Variants in PTBP1 observed in about 807,000 individuals in gnomAD.
PTBP1 encodes the protein polypyrimidine tract-binding protein 1.
A neutral mutation model predicts 59.8 loss-of-function variants in PTBP1; 8 were observed. That is an observed-to-expected ratio of 0.13 (90% CI 0.08 to 0.24). PTBP1 has a LOEUF of 0.24. PTBP1 is among the 10% of genes least tolerant of loss of function. The pLI is 1.00. For missense variants in PTBP1, 686 were observed against 767.0 expected (o/e 0.89, Z 1.25); for synonymous variants, 490 against 320.7 (o/e 1.53, Z -5.64).
intron 2 of PTBP1, among the ~76,000 whole-genome samples, chr19:803,134 G>C (rs776765571): frequency 6.6e-6 from 1 of 152,222 alleles, no homozygotes; most frequent in Non-Finnish European, 1.5e-5. Context: ...GCCCTGCCGT[G>C]TGCTGCTGGG....
chr19:804,243 C>G, intron 4 of PTBP1, 35 bp downstream of exon 4: 3 of 1,609,600 alleles, frequency 1.9e-6, no homozygotes, highest in Non-Finnish European at 2.5e-6. Flanking sequence ...GTGCTCACAC[C>G]GTGCAGGCGG....
rs566993015 is a variant in PTBP1 at position 805,206 on chromosome 19, C to T, written c.892+19C>T. ...GCCTTCGGTAAGAGGCTGCCCGACGCGGCGCCAGTGTGCAGAGTGGTCTAT... is the reference window on the plus strand; with the variant it reads ...GCCTTCGGTAAGAGGCTGCCCGACGTGGCGCCAGTGTGCAGAGTGGTCTAT... On this transcript the variant is annotated intron_variant, in intron 8 of 14. Coordinates refer to ENST00000356948, the MANE Select transcript of PTBP1 (RefSeq NM_002819.5). 29 of 1,611,674 alleles carry T rather than the reference C, an allele frequency of 1.8e-5. No individual in the cohort carries two copies. Among genetic ancestry groups the T allele is most frequent in the Admixed American group, 3.3e-5 (2 of 59,956 alleles).
intron 2 of PTBP1, among the ~76,000 whole-genome samples, chr19:801,735 ATCCTCCCTTCCTCCCG>A (rs897513956): frequency 8.3e-4 from 127 of 152,192 alleles, no homozygotes; most frequent in Non-Finnish European, 1.3e-3. Flanking sequence ...AGGTGCACCC[ATCCTCCCTTCCTCCCG>A]TCCTCCCTTC....
chr19:805,320 C>A, intron 8 of PTBP1, 133 bp downstream of exon 8: 1 of 1,239,232 alleles, frequency 8.1e-7, no homozygotes, highest in Non-Finnish European at 1.1e-6. Context: ...GCCAGCACAG[C>A]ACGGTCCAGT....
rs990926814 is a variant in PTBP1 at position 811,520 on chromosome 19, AAG to A, written c.*696_*697del. On this transcript the variant is annotated 3_prime_UTR_variant, in exon 15 of 15. Transcript: ENST00000356948. ...CTAATCTTTTTTCATTTATATGCAA[AAG>A]AAATAGTTTTAAGTAACTTTTTATA... 6.6e-6 allele frequency: 1 copy of A among 152,476 alleles called. No individual in the cohort carries two copies. The highest frequency in any genetic ancestry group is 2.4e-5 in the African/African-American group (1 of 41,460). 9.4% of individuals were successfully genotyped at this position (152,476 alleles called of 1,614,324 possible).
At position 805,039 on chromosome 19, in the gene PTBP1, C is replaced by T. The variant is rs115114580; in HGVS notation, c.744C>T (p.Asn248=). Residue 248 remains asparagine, a synonymous_variant, in exon 8 of 15, where the codon AAC becomes AAT. Transcript: ENST00000356948. The part of the protein sequence containing the change: ...KLSLDGQNIY[N]ACCTLRIDFS... Reference sequence around the variant, plus strand: ...CGCTGGACGGGCAGAACATCTACAACGCCTGCTGCACGCTGCGCATCGACT... The same window carrying T: ...CGCTGGACGGGCAGAACATCTACAATGCCTGCTGCACGCTGCGCATCGACT... 5.1e-4 allele frequency: 820 copies of T among 1,613,818 alleles called. 4 individuals are homozygous for T. The African/African-American group carries it at 9.1e-3, about 18-fold the overall frequency.
Position 811,343 on chromosome 19 carries a change from C to G in PTBP1, c.*517C>G, listed in dbSNP as rs958955734. 1 of 152,472 alleles carries G rather than the reference C, an allele frequency of 6.6e-6. No individual in the cohort carries two copies. The highest frequency in any genetic ancestry group is 1.5e-5 in the Non-Finnish European group (1 of 68,162). The allele number at this position is 152,472 out of a possible 1,614,324, so 9.4% of individuals were successfully genotyped here. A position where few individuals can be genotyped will look rare whatever the true frequency, so the allele number is the denominator to read the frequency against. On this transcript the variant is annotated 3_prime_UTR_variant, in exon 15 of 15. Transcript: ENST00000356948. ...AGCCCTCTAATCAAGTCACGTGATT[C>G]TCCCTTCACCCCGCCCCCAGGGCCT...
At chr19:809,769 G>A (rs146659382) in intron 13 of PTBP1, among the ~76,000 whole-genome samples, 204 of 152,290 alleles carry the variant, frequency 1.3e-3, no homozygotes, top group Non-Finnish European at 2.5e-3. Context: ...TGGTGTGCAC[G>A]TCAGGTCCCA....
In PTBP1 at chr19:811,063, C is replaced by CCGGGGCCAGACCCT. The variant is rs1017458420; in HGVS notation, c.*246_*259dup. 1.4e-4 allele frequency: 61 copies of CCGGGGCCAGACCCT among 451,318 alleles called. No homozygotes were observed. Among genetic ancestry groups the CCGGGGCCAGACCCT allele is most frequent in the Non-Finnish European group, 2.0e-4 (52 of 261,790 alleles). 28.0% of individuals were successfully genotyped at this position (451,318 alleles called of 1,614,324 possible). ...AGCGGGAGTTCCCGGCCCTCCACACCCGGGGCCAGACCCTCGGGGCCATGC... is the reference window on the plus strand; with the variant it reads ...AGCGGGAGTTCCCGGCCCTCCACACCCGGGGCCAGACCCTCGGGGCCAGACCCTCGGGGCCATGC... On this transcript the variant is annotated 3_prime_UTR_variant, in exon 15 of 15. Coordinates refer to ENST00000356948, the MANE Select transcript of PTBP1 (RefSeq NM_002819.5).
At chr19:799,490 T>G in intron 2 of PTBP1, 47 bp downstream of exon 2, 1 of 1,604,264 alleles carries the variant, frequency 6.2e-7, no homozygotes, top group Non-Finnish European at 8.5e-7. Context: ...TCTGACCTTG[T>G]GCCGACCCCG....
chr19:797,589 G>T, intron 1 of PTBP1, 84 bp downstream of exon 1: 1 of 991,570 alleles, frequency 1.0e-6, no homozygotes, highest in Non-Finnish European at 1.3e-6. Context: ...CCCCGGGGCC[G>T]ATCTCGCCCC....
intron 1 of PTBP1, among the ~76,000 whole-genome samples, chr19:798,776 C>T (rs1009256678): frequency 2.6e-5 from 4 of 152,262 alleles, no homozygotes; most frequent in Non-Finnish European, 5.9e-5. Context: ...GGGCCTCGGA[C>T]AGTCCGGCTT....
intron 13 of PTBP1, among the ~76,000 whole-genome samples, chr19:809,385 G>A (rs1043763434): frequency 6.6e-6 from 1 of 151,632 alleles, no homozygotes; most frequent in Non-Finnish European, 1.5e-5. Context: ...GTGCAGTGGC[G>A]GGATCTCTGC....
At chr19:797,982 G>T (rs2145011188) in intron 1 of PTBP1, among the ~76,000 whole-genome samples, 1 of 149,982 alleles carries the variant, frequency 6.7e-6, no homozygotes, top group Admixed American at 6.6e-5. Flanking sequence ...CCCGCCGCCC[G>T]GACTCTGCCC....
chr19:806,413 T>A lies in PTBP1; in HGVS notation c.976T>A (p.Ser326Thr), dbSNP rs747900132. 5 of 1,601,958 alleles carry A rather than the reference T, an allele frequency of 3.1e-6. No homozygotes were observed. The highest frequency in any genetic ancestry group is 1.7e-5 in the Admixed American group (1 of 59,046). Residue 326 changes from serine (S) to threonine (T), a missense_variant, in exon 10 of 15, where the codon TCC becomes ACC. Physicochemically the swap from Ser to Thr is moderately conservative, Grantham distance 58. Transcript: ENST00000356948. ...TFAIPQAAGL[S>T]VPNVHGALAP... ...CTCACCTCCTGCTTTTCCAGGCCTT[T>A]CCGTTCCGAACGTCCACGGCGCCCT... is the stretch of plus-strand genomic sequence containing the variant.
intron 2 of PTBP1, 44 bp downstream of exon 2, chr19:799,487 T>C (rs2034236247): frequency 3.1e-6 from 5 of 1,606,338 alleles, no homozygotes; most frequent in Non-Finnish European, 4.3e-6. Flanking sequence ...TCCTCTGACC[T>C]TGTGCCGACC....
At chr19:801,906 C>T (rs1186104806) in intron 2 of PTBP1, among the ~76,000 whole-genome samples, 1 of 152,212 alleles carries the variant, frequency 6.6e-6, no homozygotes, top group Non-Finnish European at 1.5e-5. Flanking sequence ...ACTCGAGGGT[C>T]TGTTTTCAGT....
chr19:804,582 G>A lies in PTBP1; in HGVS notation c.486G>A (p.Leu162=). ...TGAACTCGGTCCAGTCGGGGAACCTGGCCTTGGCTGCCTCGGCGGCGGCCG... is the reference window on the plus strand; with the variant it reads ...TGAACTCGGTCCAGTCGGGGAACCTAGCCTTGGCTGCCTCGGCGGCGGCCG... The part of the protein sequence containing the change: ...QAVNSVQSGN[L]ALAASAAAVD... Residue 162 remains leucine, a synonymous_variant, in exon 6 of 15, where the codon CTG becomes CTA. Coordinates refer to ENST00000356948, the MANE Select transcript of PTBP1 (RefSeq NM_002819.5). 10 of 1,610,902 alleles carry A rather than the reference G, an allele frequency of 6.2e-6. No homozygotes were observed. Among genetic ancestry groups the A allele is most frequent in the Non-Finnish European group, 7.6e-6 (9 of 1,179,470 alleles).
intron 1 of PTBP1, 60 bp downstream of exon 1, chr19:797,565 C>T (rs1444184278): frequency 7.9e-7 from 1 of 1,268,384 alleles, no homozygotes; most frequent in Admixed American, 4.1e-5. Context: ...CTGCCCCCGC[C>T]GCCGCGCCGG....
Sources: gnomAD v4.1 joint callset for allele counts (sites outside exome capture counted in the v4.1 genomes callset) on GRCh38, gnomAD v4.1.1 for gene constraint, MANE v1.5 for transcripts, NCBI Gene and HGNC (gene_info 2026-07-23, HGNC 2026-07-21) for gene names.